Variants in CAMTA1 observed in about 807,000 individuals in gnomAD.
CAMTA1 encodes calmodulin binding transcription activator 1.
A neutral mutation model predicts 170.9 loss-of-function variants in CAMTA1; 27 were observed. The observed-to-expected ratio is 0.16, with a 90% CI of 0.12 to 0.22. CAMTA1 has a LOEUF of 0.22. Ranked by LOEUF, CAMTA1 falls within the 10% of genes least tolerant of loss-of-function variation. The pLI is 1.00. For missense variants in CAMTA1, 1,619 were observed against 2,217.2 expected (o/e 0.73, Z 5.42); for synonymous variants, 833 against 891.5 (o/e 0.93, Z 1.17).
chr1:7,713,952 G>A lies in CAMTA1; in HGVS notation c.2915-18496G>A, dbSNP rs1263324987. ...CCGGTGAGCACCGCAGCCACTCGGG[G>A]GTCCACACTGAAGAGGCCAAGTTAT... is the stretch of plus-strand genomic sequence containing the variant. On this transcript the variant is annotated intron_variant, in intron 11 of 22. Transcript: ENST00000303635. Among the ~76,000 whole-genome samples, 8 of 152,148 alleles carry A rather than the reference G, an allele frequency of 5.3e-5. No homozygotes were observed. The South Asian group carries it at 1.5e-3, about 28-fold the overall frequency.
intron 1 of CAMTA1, among the ~76,000 whole-genome samples, chr1:6,806,234 GCCATT>G (rs2148281396): frequency 6.6e-6 from 1 of 152,250 alleles, no homozygotes; most frequent in East Asian, 1.9e-4. Flanking sequence ...CTATCTTTGT[GCCATT>G]ACCACAATGT....
At chr1:7,296,394 G>A (rs984743451) in intron 5 of CAMTA1, among the ~76,000 whole-genome samples, 1 of 152,170 alleles carries the variant, frequency 6.6e-6, no homozygotes, top group African/African-American at 2.4e-5. Flanking sequence ...CCATTGCTCT[G>A]CCTTTTAGTT....
At chr1:6,976,696 G>A (rs549215121) in intron 3 of CAMTA1, among the ~76,000 whole-genome samples, 9 of 152,192 alleles carry the variant, frequency 5.9e-5, no homozygotes, top group African/African-American at 1.4e-4. Context: ...TGGATGTGCC[G>A]AGCATCAGCA....
chr1:7,186,571 G>T (rs1653318540), intron 4 of CAMTA1, among the ~76,000 whole-genome samples: 1 of 152,154 alleles, frequency 6.6e-6, no homozygotes, highest in African/African-American at 2.4e-5. Flanking sequence ...TGGTGACCTG[G>T]GTTCCCATCA....
chr1:6,924,052 C>T (rs1682585089), intron 3 of CAMTA1, among the ~76,000 whole-genome samples: 3 of 152,280 alleles, frequency 2.0e-5, no homozygotes, highest in South Asian at 2.1e-4. Context: ...GGAGGCTTAC[C>T]CAGAGTCAGT....
At chr1:7,644,405 A>G (rs2148967547) in intron 7 of CAMTA1, among the ~76,000 whole-genome samples, 2 of 152,300 alleles carry the variant, frequency 1.3e-5, no homozygotes, top group East Asian at 3.9e-4. Flanking sequence ...TTCTGTAATC[A>G]TGAGACTATG....
rs115521329 is a variant in CAMTA1 at position 7,634,599 on chromosome 1, C to A, written c.511-5801C>A. 1.3e-5 allele frequency among the ~76,000 whole-genome samples: 2 copies of A among 151,488 alleles called. No individual in the cohort carries two copies. Among genetic ancestry groups the A allele is most frequent in the Admixed American group, 6.6e-5 (1 of 15,208 alleles). ...GAGAGGGAAAGAGGGAGAAAGAGAG[C>A]GAGAGAGAGGGAGGCCAGAGCCCCA... On this transcript the variant is annotated intron_variant, in intron 6 of 22. Coordinates refer to ENST00000303635, the MANE Select transcript of CAMTA1 (RefSeq NM_015215.4). The surrounding 1 kb of genome is among the most constrained non-coding windows in gnomAD (Gnocchi z 6.2).
At chr1:6,813,337 A>G (rs1451526221) in intron 1 of CAMTA1, among the ~76,000 whole-genome samples, 1 of 152,024 alleles carries the variant, frequency 6.6e-6, no homozygotes, top group Non-Finnish European at 1.5e-5. Flanking sequence ...GCTGTTTCTT[A>G]TTTATTATTA....
chr1:6,951,537 G>A (rs1015521813), intron 3 of CAMTA1, among the ~76,000 whole-genome samples: 3 of 152,194 alleles, frequency 2.0e-5, no homozygotes, highest in Non-Finnish European at 4.4e-5. Flanking sequence ...GTTATAAGAA[G>A]CGTCTTTATC....
At chr1:7,212,970 A>G (rs1659052408) in intron 4 of CAMTA1, among the ~76,000 whole-genome samples, 1 of 152,240 alleles carries the variant, frequency 6.6e-6, no homozygotes, top group South Asian at 2.1e-4. Flanking sequence ...TGAGTGATGT[A>G]CCATAGAATG....
At chr1:6,843,138 C>G (rs984207052) in intron 3 of CAMTA1, among the ~76,000 whole-genome samples, 1 of 152,172 alleles carries the variant, frequency 6.6e-6, no homozygotes, top group Admixed American at 6.5e-5. Flanking sequence ...TTTCACGTTG[C>G]CTTCTTTACA....
chr1:7,335,149 G>GTGTGTGTGTGTGTGTGTGTGTAT (rs2083294545), intron 5 of CAMTA1, among the ~76,000 whole-genome samples: 1 of 96,264 alleles, frequency 1.0e-5, no homozygotes, highest in South Asian at 4.1e-4. Flanking sequence ...TGGGGGGGGG[G>GTGTGTGTGTGTGTGTGTGTGTAT]GGGGGGGGTG....
intron 3 of CAMTA1, among the ~76,000 whole-genome samples, chr1:7,089,086 T>C (rs1330179983): frequency 6.6e-6 from 1 of 152,178 alleles, no homozygotes; most frequent in Non-Finnish European, 1.5e-5. Flanking sequence ...TGTGAACTCA[T>C]CGGGCTGCTA....
intron 5 of CAMTA1, among the ~76,000 whole-genome samples, chr1:7,433,061 C>T (rs60314662): frequency 0.06 from 9,067 of 152,282 alleles, 755 homozygotes; most frequent in African/African-American, 0.19. Flanking sequence ...TATGCCGGCC[C>T]CCAGTCCCCA....
At chr1:6,922,556 G>A (rs900247374) in intron 3 of CAMTA1, among the ~76,000 whole-genome samples, 1 of 152,208 alleles carries the variant, frequency 6.6e-6, no homozygotes, top group Non-Finnish European at 1.5e-5. Flanking sequence ...TTTTCAGCAT[G>A]ACGGCTGCAG....
At chr1:6,984,419 C>T (rs1695020802) in intron 3 of CAMTA1, among the ~76,000 whole-genome samples, 1 of 151,990 alleles carries the variant, frequency 6.6e-6, no homozygotes, top group Admixed American at 6.5e-5. Flanking sequence ...TTGAGACCAG[C>T]CTGGCCAACA....
At chr1:7,106,572 A>T (rs1643612432) in intron 4 of CAMTA1, among the ~76,000 whole-genome samples, 1 of 152,054 alleles carries the variant, frequency 6.6e-6, no homozygotes, top group Admixed American at 6.5e-5. Context: ...TGCTTTTTTC[A>T]ACTTCGGTGT....
intron 1 of CAMTA1, among the ~76,000 whole-genome samples, chr1:6,810,945 A>G (rs1645096254): frequency 6.6e-6 from 1 of 152,172 alleles, no homozygotes; most frequent in Admixed American, 6.5e-5. Context: ...ATGCAGATGG[A>G]AAAACGGGAG....
intron 3 of CAMTA1, among the ~76,000 whole-genome samples, chr1:6,929,441 C>A (rs1683981553): frequency 6.6e-6 from 1 of 152,068 alleles, no homozygotes; most frequent in South Asian, 2.1e-4. Flanking sequence ...CAGCTCACTG[C>A]TAGCTCCGCC....
Sources: gnomAD v4.1 joint callset for allele counts (sites outside exome capture counted in the v4.1 genomes callset) on GRCh38, gnomAD v4.1.1 for gene constraint, Gnocchi (gnomAD v3.1) non-coding constraint, MANE v1.5 for transcripts, NCBI Gene and HGNC (gene_info 2026-07-23, HGNC 2026-07-21) for gene names.